Variants in RND3 observed in about 807,000 individuals in gnomAD.
The protein encoded by RND3 is Rho family GTPase 3, also known as rho-related GTP-binding protein RhoE.
RND3 carries 8 observed loss-of-function variants against 26.5 expected under a neutral mutation model. The observed-to-expected ratio is 0.30, with a 90% CI of 0.18 to 0.54. The LOEUF is 0.54. RND3 is among the 20% of genes least tolerant of loss of function. The pLI, the probability that RND3 is intolerant of heterozygous loss-of-function variation, is 0.94. For missense variants in RND3, 207 were observed against 302.8 expected (o/e 0.68, Z 2.35); for synonymous variants, 113 against 113.0 (o/e 1.00, Z 0.00).
In RND3 at chr2:150,474,935, A is replaced by G. The variant is rs758650254; in HGVS notation, c.288T>C (p.Asp96=). 2 of 1,613,678 alleles carry G rather than the reference A, an allele frequency of 1.2e-6. No homozygotes were observed. Among genetic ancestry groups the G allele is most frequent in the Non-Finnish European group, 1.7e-6 (2 of 1,179,672 alleles). ...NVRPLSYPDS[D]AVLICFDISR... Reference sequence around the variant, plus strand: ...TGATGTCAAAGCAAATCAGCACAGCATCCGAATCAGGGTAAGAGAGGGGGC... The same window carrying G: ...TGATGTCAAAGCAAATCAGCACAGCGTCCGAATCAGGGTAAGAGAGGGGGC... The change falls in exon 4 of 6, where the codon GAT becomes GAC. Residue 96 remains aspartate (D), a synonymous_variant. Transcript: ENST00000263895.
In RND3 at chr2:150,469,645, A is replaced by AC. The variant is rs1686048201; in HGVS notation, c.*341_*342insG. 1 of 234,280 alleles carries AC rather than the reference A, an allele frequency of 4.3e-6. No homozygotes were observed. The highest frequency in any genetic ancestry group is 8.3e-6 in the Non-Finnish European group (1 of 120,430). 14.5% of individuals were successfully genotyped at this position (234,280 alleles called of 1,614,324 possible). A position where few individuals can be genotyped will look rare whatever the true frequency, so the allele number is the denominator to read the frequency against. ...GGAGATCCATGAATAGATTATAACA[A>AC]AAAAAAAAAACCCAAAAATGCAAGC... is the stretch of plus-strand genomic sequence containing the variant. On this transcript the variant is annotated 3_prime_UTR_variant, in exon 6 of 6. Coordinates refer to ENST00000263895, the MANE Select transcript of RND3 (RefSeq NM_005168.5).
chr2:150,486,841 G>A lies in RND3; in HGVS notation c.151-60C>T. 8.4e-7 allele frequency: 1 copy of A among 1,186,704 alleles called. No individual in the cohort carries two copies. Among genetic ancestry groups the A allele is most frequent in the East Asian group, 2.3e-5 (1 of 42,918 alleles). 73.5% of individuals were successfully genotyped at this position (1,186,704 alleles called of 1,614,324 possible). On this transcript the variant is annotated intron_variant, in intron 2 of 5. Transcript: ENST00000263895. This position sits in a 1 kb window ranked among gnomAD's most constrained non-coding sequence, Gnocchi z 4.5. ...GAGGGCAAAGAGGTTACGTTTAAAC[G>A]CACGACACCCATTGAACACCCTTCC...
intron 3 of RND3, chr2:150,485,388 G>A (rs375654802): frequency 6.6e-6 from 1 of 152,322 alleles, no homozygotes; most frequent in Admixed American, 6.5e-5. Flanking sequence ...CAAGCCCAGC[G>A]GTTCTGTGGG....
chr2:150,474,436 T>C (rs1686134045), intron 4 of RND3, among the ~76,000 whole-genome samples: 1 of 152,206 alleles, frequency 6.6e-6, no homozygotes, highest in African/African-American at 2.4e-5. Flanking sequence ...CCATTTCTGT[T>C]TCTAATAACA....
At chr2:150,476,053 C>T (rs1375168627) in intron 3 of RND3, among the ~76,000 whole-genome samples, 1 of 152,160 alleles carries the variant, frequency 6.6e-6, no homozygotes, top group African/African-American at 2.4e-5. Flanking sequence ...TTTCCGTATG[C>T]TGACATTTCA....
At chr2:150,477,084 G>A (rs1309962661) in intron 3 of RND3, among the ~76,000 whole-genome samples, 2 of 152,134 alleles carry the variant, frequency 1.3e-5, no homozygotes, top group Non-Finnish European at 2.9e-5. Context: ...AAGTCCGCGA[G>A]AGACAACCTG....
chr2:150,470,150 T>C lies in RND3; in HGVS notation c.572A>G (p.His191Arg), dbSNP rs753763478. 17 of 1,613,996 alleles carry C rather than the reference T, an allele frequency of 1.1e-5. No homozygotes were observed. The South Asian group carries it at 1.8e-4, about 17-fold the overall frequency. ...ATTTACACATGCCAAGGTGGCAACG[T>C]GAAAAATGTCTCTGACGCTATTTTC... ...QSENSVRDIFHVATLACVNKT... is the reference protein window; with the variant it reads ...QSENSVRDIFRVATLACVNKT... The change falls in exon 6 of 6, where the codon CAC (histidine) becomes CGC (arginine). Residue 191 changes from histidine (H) to arginine (R), a missense_variant. Physicochemically the swap from His to Arg is conservative, Grantham distance 29 (BLOSUM62 0). Coordinates refer to ENST00000263895, the MANE Select transcript of RND3 (RefSeq NM_005168.5).
At chr2:150,483,255 C>G (rs775991197) in intron 3 of RND3, among the ~76,000 whole-genome samples, 1 of 150,726 alleles carries the variant, frequency 6.6e-6, no homozygotes, top group Non-Finnish European at 1.5e-5. Flanking sequence ...ACTAAAGAGG[C>G]CAGATAAGAG....
chr2:150,478,579 CAAAA>C (rs1229770069), intron 3 of RND3, among the ~76,000 whole-genome samples: 4 of 106,384 alleles, frequency 3.8e-5, no homozygotes, highest in Middle Eastern at 5.1e-3. Context: ...AGCCAAACGG[CAAAA>C]AAAAAAAAAA....
chr2:150,476,784 T>C (rs557053276), intron 3 of RND3, among the ~76,000 whole-genome samples: 2 of 152,134 alleles, frequency 1.3e-5, no homozygotes, highest in East Asian at 1.9e-4. Flanking sequence ...TACTCTGAGG[T>C]GAAGAGAATA....
At chr2:150,484,894 C>A (rs550729217) in intron 3 of RND3, among the ~76,000 whole-genome samples, 2 of 152,292 alleles carry the variant, frequency 1.3e-5, no homozygotes, top group East Asian at 3.9e-4. Flanking sequence ...TGCATTAGGT[C>A]CAAACAGGGC....
At position 150,469,628 on chromosome 2, in the gene RND3, A is replaced by G. The variant is rs1001372329; in HGVS notation, c.*359T>C. ...AAAAATTAAATCAAAGTGGAGATCCATGAATAGATTATAACAAAAAAAAAA... is the reference window on the plus strand; with the variant it reads ...AAAAATTAAATCAAAGTGGAGATCCGTGAATAGATTATAACAAAAAAAAAA... On this transcript the variant is annotated 3_prime_UTR_variant, in exon 6 of 6. Coordinates refer to ENST00000263895, the MANE Select transcript of RND3 (RefSeq NM_005168.5). 2.5e-5 allele frequency: 4 copies of G among 162,006 alleles called. No individual in the cohort carries two copies. The highest frequency in any genetic ancestry group is 1.3e-4 in the African/African-American group (4 of 29,810). 10.0% of individuals were successfully genotyped at this position (162,006 alleles called of 1,614,324 possible).
Position 150,470,128 on chromosome 2 carries a change from T to G in RND3, c.594A>C (p.Val198=). 1 of 1,614,060 alleles carries G rather than the reference T, an allele frequency of 6.2e-7. No homozygotes were observed. The highest frequency in any genetic ancestry group is 8.5e-7 in the Non-Finnish European group (1 of 1,179,962). The change falls in exon 6 of 6, where the codon GTA becomes GTC. Residue 198 remains valine, a synonymous_variant. Transcript: ENST00000263895. ...DIFHVATLAC[V]NKTNKNVKRN... ...GCTTAACGTTTTTATTTGTCTTATT[T>G]ACACATGCCAAGGTGGCAACGTGAA...
At chr2:150,487,156 T>C (rs1347084411) in intron 2 of RND3, 112 bp downstream of exon 2, 2 of 817,836 alleles carry the variant, frequency 2.4e-6, no homozygotes, top group East Asian at 3.0e-5. Context: ...AGACTTTTTT[T>C]TTTCTTTTTT....
chr2:150,476,804 T>C (rs182683898), intron 3 of RND3, among the ~76,000 whole-genome samples: 45 of 152,328 alleles, frequency 3.0e-4, no homozygotes, highest in African/African-American at 1.0e-3. Context: ...AATTCACAAA[T>C]AGTTCACCCA....
intron 3 of RND3, among the ~76,000 whole-genome samples, chr2:150,485,651 G>C (rs1436172638): frequency 6.6e-6 from 1 of 152,074 alleles, no homozygotes; most frequent in South Asian, 2.1e-4. Flanking sequence ...AAACAAACTC[G>C]CTAGACACCG....
chr2:150,478,512 A>T lies in RND3; in HGVS notation c.239-3528T>A, dbSNP rs538209624. Among the ~76,000 whole-genome samples the T allele has an allele frequency of 2.0e-5, 3 of 148,336 alleles. No homozygotes were observed. In the East Asian group the frequency reaches 5.9e-4, roughly 29 times the overall value. ...CTGAAAGTAAGTGGGTAAAGCAGGAACAATACCTGCCCCTAACTCCTATAT... is the reference window on the plus strand; with the variant it reads ...CTGAAAGTAAGTGGGTAAAGCAGGATCAATACCTGCCCCTAACTCCTATAT... On this transcript the variant is annotated intron_variant, in intron 3 of 5. Transcript: ENST00000263895.
At chr2:150,479,032 C>A (rs1223045534) in intron 3 of RND3, among the ~76,000 whole-genome samples, 1 of 152,104 alleles carries the variant, frequency 6.6e-6, no homozygotes, top group African/African-American at 2.4e-5. Context: ...AAAATGTGTA[C>A]CCCGCTCACC....
chr2:150,485,768 G>A (rs868229946), intron 3 of RND3, among the ~76,000 whole-genome samples: 3 of 152,146 alleles, frequency 2.0e-5, no homozygotes, highest in African/African-American at 4.8e-5. Flanking sequence ...CAGCCGGGGG[G>A]CCGGATGCCT....
Sources: allele counts gnomAD v4.1 joint callset (sites outside exome capture counted in the v4.1 genomes callset), GRCh38; gene constraint gnomAD v4.1.1; non-coding constraint Gnocchi (gnomAD v3.1); transcripts MANE v1.5; gene names NCBI Gene and HGNC (gene_info 2026-07-23, HGNC 2026-07-21).